Variants in MYO1D observed in about 807,000 individuals in gnomAD.
The protein encoded by MYO1D is unconventional myosin-Id.
Under a neutral mutation model 122.0 loss-of-function variants are expected in MYO1D, and 83 were observed. The observed-to-expected ratio is 0.68, with a 90% confidence interval of 0.57 to 0.82. The LOEUF (loss-of-function observed/expected upper bound fraction) is 0.82, where lower values mean the gene tolerates loss of function less well. Among genes scored for constraint, MYO1D ranks in the 40% least tolerant of loss-of-function variants. The pLI is 0.00. For missense variants in MYO1D, 1,157 were observed against 1,269.5 expected (o/e 0.91, Z 1.35); for synonymous variants, 464 against 446.9 (o/e 1.04, Z -0.48).
At chr17:32,495,969 C>G (rs1264657959) in intron 21 of MYO1D, 2 of 152,372 alleles carry the variant, frequency 1.3e-5, no homozygotes, top group Non-Finnish European at 2.9e-5. Context: ...CGGAGCTGCT[C>G]TTAGTGCTGG....
chr17:32,690,146 G>A (rs1003974949), intron 16 of MYO1D, among the ~76,000 whole-genome samples: 9 of 150,938 alleles, frequency 6.0e-5, no homozygotes, highest in African/African-American at 2.2e-4. Context: ...TAAAGATCAA[G>A]TTGGGGTATT....
chr17:32,733,595 G>T (rs1210470066), intron 14 of MYO1D, among the ~76,000 whole-genome samples: 2 of 152,210 alleles, frequency 1.3e-5, no homozygotes, highest in Admixed American at 6.5e-5. Flanking sequence ...TTGTGTGTGT[G>T]TGTGTGCACA....
chr17:32,651,913 T>C (rs552720896), intron 19 of MYO1D, among the ~76,000 whole-genome samples: 7 of 152,270 alleles, frequency 4.6e-5, no homozygotes, highest in Admixed American at 6.5e-5. Flanking sequence ...CTTGACCTCA[T>C]GATCCACCCG....
chr17:32,707,067 G>A (rs1567958703), intron 16 of MYO1D, among the ~76,000 whole-genome samples: 1 of 151,934 alleles, frequency 6.6e-6, no homozygotes, highest in Non-Finnish European at 1.5e-5. Flanking sequence ...ATTATATTGA[G>A]AGTGAAAATT....
chr17:32,798,582 C>G (rs961859509), intron 1 of MYO1D, among the ~76,000 whole-genome samples: 1 of 152,112 alleles, frequency 6.6e-6, no homozygotes, highest in African/African-American at 2.4e-5. Flanking sequence ...TCTTTTGATG[C>G]CAACAGCCCC....
chr17:32,761,957 T>C, intron 8 of MYO1D, among the ~76,000 whole-genome samples: 1 of 151,990 alleles, frequency 6.6e-6, no homozygotes, highest in East Asian at 1.9e-4. Flanking sequence ...CCAAGAAACT[T>C]AGGGAATAGA....
intron 1 of MYO1D, among the ~76,000 whole-genome samples, chr17:32,831,448 A>C (rs951646195): frequency 1.3e-5 from 2 of 152,152 alleles, no homozygotes; most frequent in African/African-American, 2.4e-5. Context: ...TGCTTAGGAA[A>C]CCCCAAGCTG....
chr17:32,722,049 T>G (rs1343112425), intron 14 of MYO1D, among the ~76,000 whole-genome samples: 1 of 152,210 alleles, frequency 6.6e-6, no homozygotes, highest in Non-Finnish European at 1.5e-5. Flanking sequence ...TTTTGAGCTC[T>G]GCTGAGGGCT....
rs539885011 is a variant in MYO1D, at chr17:32,660,433, T to A, written c.2122-1095A>T. 5.3e-5 allele frequency among the ~76,000 whole-genome samples: 8 copies of A among 152,272 alleles called. No individual in the cohort carries two copies. In the South Asian group the frequency reaches 1.0e-3, roughly 20 times the overall value. On this transcript the variant is annotated intron_variant, in intron 16 of 21. Transcript: ENST00000318217. ...AAAATCCCCGTCTGTGCCCACCAAT[T>A]CCTCTAAGCAAAACTTGCACAATGC...
chr17:32,703,583 T>G (rs901264509), intron 16 of MYO1D, among the ~76,000 whole-genome samples: 6 of 152,036 alleles, frequency 3.9e-5, no homozygotes, highest in Admixed American at 3.9e-4. Context: ...GCCTGGCTAT[T>G]GACGATTTTG....
At chr17:32,550,655 T>G (rs536275381) in intron 21 of MYO1D, among the ~76,000 whole-genome samples, 2 of 152,302 alleles carry the variant, frequency 1.3e-5, no homozygotes, top group East Asian at 3.9e-4. Context: ...ATACTCTGCC[T>G]ACTTCTAAAA....
chr17:32,660,957 C>T (rs75604827), intron 16 of MYO1D, among the ~76,000 whole-genome samples: 5,233 of 151,978 alleles, frequency 0.034, 257 homozygotes, highest in African/African-American at 0.11. Flanking sequence ...TTGCTTTTTT[C>T]TTTTATTGGG....
intron 21 of MYO1D, among the ~76,000 whole-genome samples, chr17:32,537,859 A>C (rs1910708548): frequency 6.6e-6 from 1 of 152,230 alleles, no homozygotes. Flanking sequence ...TAACAATGTA[A>C]AAGTAAAGCT....
intron 21 of MYO1D, among the ~76,000 whole-genome samples, chr17:32,557,121 C>CT (rs2087074465): frequency 5.0e-5 from 6 of 120,030 alleles, no homozygotes; most frequent in African/African-American, 8.9e-5. Context: ...TTAGTTTATC[C>CT]ATTTTTTTTT....
intron 21 of MYO1D, among the ~76,000 whole-genome samples, chr17:32,543,347 C>T (rs1033814262): frequency 5.9e-5 from 9 of 151,734 alleles, no homozygotes; most frequent in African/African-American, 7.2e-5. Context: ...GAGGCCGTGG[C>T]GGGCAGATCA....
intron 20 of MYO1D, among the ~76,000 whole-genome samples, chr17:32,635,438 T>G (rs1597956587): frequency 6.6e-6 from 1 of 152,162 alleles, no homozygotes; most frequent in East Asian, 1.9e-4. Context: ...TGGTGGCTCA[T>G]GCCTGTAATC....
chr17:32,828,977 C>T (rs2090748658), intron 1 of MYO1D, among the ~76,000 whole-genome samples: 1 of 152,176 alleles, frequency 6.6e-6, no homozygotes, highest in South Asian at 2.1e-4. Context: ...TTGGGTCTGA[C>T]TCCAATGCTC....
At position 32,821,826 on chromosome 17, in the gene MYO1D, T is replaced by G. The variant is rs142274386; in HGVS notation, c.96-41042A>C. Among the ~76,000 whole-genome samples the G allele has an allele frequency of 8.7e-3, 1,320 of 152,306 alleles. 10 individuals are homozygous for G. The highest frequency in any genetic ancestry group is 0.012 in the Non-Finnish European group (817 of 68,026). Reference sequence around the variant, plus strand: ...TTTGGGGGTGATGGTGGGGCATAATTCTGCCAACCACAGGCAGCATTTTAA... The same window carrying G: ...TTTGGGGGTGATGGTGGGGCATAATGCTGCCAACCACAGGCAGCATTTTAA... On this transcript the variant is annotated intron_variant, in intron 1 of 21. Transcript: ENST00000318217.
chr17:32,730,958 G>A (rs1297240804), intron 14 of MYO1D, among the ~76,000 whole-genome samples: 2 of 149,248 alleles, frequency 1.3e-5, no homozygotes, highest in Non-Finnish European at 3.0e-5. Context: ...CCAGGCGGGA[G>A]TGCAGTGGCA....
Sources: allele counts gnomAD v4.1 joint callset (sites outside exome capture counted in the v4.1 genomes callset), GRCh38; gene constraint gnomAD v4.1.1; transcripts MANE v1.5; gene names NCBI Gene and HGNC (gene_info 2026-07-23, HGNC 2026-07-21).